The following ARHGAP19 variants were observed in gnomAD, a reference collection of about 807,000 sequenced individuals.
ARHGAP19 encodes rho GTPase-activating protein 19.
Under a neutral mutation model 60.9 loss-of-function variants are expected in ARHGAP19, and 48 were observed. That is an observed-to-expected ratio of 0.79 (90% CI 0.62 to 1.00). The LOEUF is 1.00. Among genes scored for constraint, ARHGAP19 ranks in the 50% least tolerant of loss-of-function variants. ARHGAP19 has a pLI of 0.00. For synonymous variants in ARHGAP19, 209 were observed against 215.5 expected (o/e 0.97, Z 0.27); for missense variants, 562 against 597.2 (o/e 0.94, Z 0.61).
chr10:97,242,809 C>T (rs1195018796), intron 8 of ARHGAP19, among the ~76,000 whole-genome samples: 1 of 152,004 alleles, frequency 6.6e-6, no homozygotes, highest in Admixed American at 6.6e-5. Context: ...CCACCATGCC[C>T]GGCCCTAATT....
chr10:97,235,166 T>G, intron 9 of ARHGAP19, 51 bp downstream of exon 9: 2 of 1,510,580 alleles, frequency 1.3e-6, no homozygotes, highest in Non-Finnish European at 1.8e-6. Flanking sequence ...AAAATCACAT[T>G]GTTACATTTC....
chr10:97,262,130 T>G (rs372583974), intron 4 of ARHGAP19, among the ~76,000 whole-genome samples: 3 of 150,854 alleles, frequency 2.0e-5, no homozygotes, highest in African/African-American at 7.3e-5. Flanking sequence ...GGAGGGAGGA[T>G]CACTTGAAGC....
At chr10:97,274,046 G>A (rs1307559753) in intron 1 of ARHGAP19, among the ~76,000 whole-genome samples, 1 of 151,842 alleles carries the variant, frequency 6.6e-6, no homozygotes, top group Non-Finnish European at 1.5e-5. Context: ...AAAAATAAAC[G>A]AAACTAGTAT....
rs146325122 is a variant in ARHGAP19 at position 97,237,343 on chromosome 10, C to T, written c.1186-2028G>A. The stretch of plus-strand genomic sequence containing the variant: ...AATAAGGTTCAGATAAAATCATGCA[C>T]CACATAATGACATTTTGGTCAATGA... On this transcript the variant is annotated intron_variant, in intron 8 of 11. Coordinates refer to ENST00000358531, the MANE Select transcript of ARHGAP19 (RefSeq NM_032900.6). Among the ~76,000 whole-genome samples the T allele has an allele frequency of 5.0e-3, 756 of 151,230 alleles. 5 individuals carry two copies. Among genetic ancestry groups the T allele is most frequent in the Non-Finnish European group, 8.1e-3 (552 of 67,912 alleles).
At chr10:97,292,100 A>C (rs1843242610) in intron 1 of ARHGAP19, among the ~76,000 whole-genome samples, 1 of 145,536 alleles carries the variant, frequency 6.9e-6, no homozygotes. Flanking sequence ...TTGCAGATGA[A>C]GAAACTGAAG....
At position 97,235,210 on chromosome 10, in the gene ARHGAP19, T is replaced by TAC. The variant is rs1564711813; in HGVS notation, c.1284+5_1284+6dup. The TAC allele has an allele frequency of 6.2e-7, 1 of 1,602,460 alleles. No individual in the cohort carries two copies. Among genetic ancestry groups the TAC allele is most frequent in the Admixed American group, 1.7e-5 (1 of 59,716 alleles). On this transcript the variant is annotated splice_region_variant and intron_variant, in intron 9 of 11. Coordinates refer to ENST00000358531, the MANE Select transcript of ARHGAP19 (RefSeq NM_032900.6). ...CAATGCTGAAAACGACAGCCCAGCA[T>TAC]ACCTACCTTAATAAGCCCACTGAAG...
chr10:97,234,569 C>G (rs1193411984), intron 9 of ARHGAP19, among the ~76,000 whole-genome samples: 5 of 152,076 alleles, frequency 3.3e-5, no homozygotes, highest in African/African-American at 9.7e-5. Flanking sequence ...AAATTTGAAC[C>G]CCATGATCAA....
At chr10:97,258,302 G>C (rs1398240212) in intron 5 of ARHGAP19, among the ~76,000 whole-genome samples, 1 of 152,144 alleles carries the variant, frequency 6.6e-6, no homozygotes, top group Non-Finnish European at 1.5e-5. Flanking sequence ...GCAGCGGGTG[G>C]ATCACCTGAG....
At chr10:97,264,393 C>A (rs1842871029) in intron 3 of ARHGAP19, among the ~76,000 whole-genome samples, 1 of 151,094 alleles carries the variant, frequency 6.6e-6, no homozygotes, top group Admixed American at 6.6e-5. Context: ...GTCAAGGCTG[C>A]AGTGAGCCAA....
intron 3 of ARHGAP19, among the ~76,000 whole-genome samples, chr10:97,264,439 C>G (rs1000251698): frequency 8.2e-6 from 1 of 121,432 alleles, no homozygotes; most frequent in Non-Finnish European, 1.7e-5. Context: ...GGTGAGAGAA[C>G]GAGACCTTGT....
chr10:97,257,586 G>C (rs1842773384), intron 5 of ARHGAP19, among the ~76,000 whole-genome samples: 1 of 152,062 alleles, frequency 6.6e-6, no homozygotes, highest in Non-Finnish European at 1.5e-5. Context: ...GATTACAGGC[G>C]TAAGTCACTA....
chr10:97,232,958 G>C (rs1037373770), intron 9 of ARHGAP19, among the ~76,000 whole-genome samples: 23 of 152,032 alleles, frequency 1.5e-4, no homozygotes, highest in African/African-American at 5.6e-4. Flanking sequence ...GACCAGGCTG[G>C]CCAACATGGT....
chr10:97,291,016 C>T (rs1382602856), intron 1 of ARHGAP19, among the ~76,000 whole-genome samples: 1 of 152,134 alleles, frequency 6.6e-6, no homozygotes, highest in Non-Finnish European at 1.5e-5. Context: ...CCGCATCCAC[C>T]TTTAAACACG....
chr10:97,292,533 G>T (rs1410644370), intron 1 of ARHGAP19, 39 bp downstream of exon 1: 2 of 1,613,654 alleles, frequency 1.2e-6, no homozygotes, highest in Admixed American at 3.3e-5. Flanking sequence ...ACCAGCCCAA[G>T]GCCGCGTTTC....
chr10:97,256,666 A>G (rs868823904), intron 5 of ARHGAP19, among the ~76,000 whole-genome samples: 1 of 152,148 alleles, frequency 6.6e-6, no homozygotes, highest in African/African-American at 2.4e-5. Context: ...TGTAAACAAA[A>G]TTGGCAAGGA....
At chr10:97,264,977 C>G in intron 2 of ARHGAP19, 71 bp from the exon 3 acceptor site, 1 of 1,114,200 alleles carries the variant, frequency 9.0e-7, no homozygotes, top group Non-Finnish European at 1.3e-6. Flanking sequence ...CCTAAAACCA[C>G]TCAAGCATCC....
At chr10:97,262,288 A>G (rs1009583344) in intron 4 of ARHGAP19, among the ~76,000 whole-genome samples, 1 of 151,796 alleles carries the variant, frequency 6.6e-6, no homozygotes, top group Non-Finnish European at 1.5e-5. Flanking sequence ...GTAGGAGAGA[A>G]GGTTTTTACT....
intron 7 of ARHGAP19, among the ~76,000 whole-genome samples, chr10:97,244,391 C>T (rs1564715474): frequency 6.6e-6 from 1 of 152,092 alleles, no homozygotes; most frequent in East Asian, 1.9e-4. Context: ...ATTTGGAATA[C>T]TGCCACCAAG....
chr10:97,269,949 T>G (rs374156811), intron 1 of ARHGAP19, among the ~76,000 whole-genome samples: 12 of 152,272 alleles, frequency 7.9e-5, no homozygotes, highest in Admixed American at 7.2e-4. Flanking sequence ...TGTACATAAG[T>G]GAGAAAGAAA....
Sources: allele counts gnomAD v4.1 joint callset (sites outside exome capture counted in the v4.1 genomes callset), GRCh38; gene constraint gnomAD v4.1.1; transcripts MANE v1.5; gene names NCBI Gene and HGNC (gene_info 2026-07-23, HGNC 2026-07-21).